DACH2: variants seen among roughly 807,000 people sequenced by gnomAD.
DACH2 encodes dachshund family transcription factor 2.
In DACH2, 17 loss-of-function variants were observed where a neutral mutation model predicts 35.8. That is an observed-to-expected ratio of 0.48 (90% CI 0.33 to 0.71). The LOEUF is 0.71. Among genes scored for constraint, DACH2 ranks in the 30% least tolerant of loss-of-function variants. DACH2 has a pLI of 0.02. For synonymous variants in DACH2, 195 were observed against 177.3 expected (o/e 1.10, Z -0.79); for missense variants, 469 against 472.7 (o/e 0.99, Z 0.07).
intron 1 of DACH2, among the ~76,000 whole-genome samples, chrX:86,156,192 G>T (rs1281906272): frequency 2.7e-5 from 3 of 110,744 alleles, no homozygotes; most frequent in African/African-American, 9.8e-5. Context: ...CCTTAAAAAA[G>T]AACTGAATTT....
intron 7 of DACH2, among the ~76,000 whole-genome samples, chrX:86,787,043 A>G (rs2042143895): frequency 9.0e-6 from 1 of 111,583 alleles, no homozygotes; most frequent in African/African-American, 3.3e-5. Context: ...GCCTTCTGTC[A>G]TGATTGTGAG....
intron 2 of DACH2, among the ~76,000 whole-genome samples, chrX:86,411,231 C>G (rs1214181550): frequency 1.9e-5 from 2 of 105,933 alleles, no homozygotes; most frequent in Non-Finnish European, 3.9e-5. Flanking sequence ...GAGGCTAGGC[C>G]AATCTCTTGT....
At chrX:86,499,894 G>C (rs1171994659) in intron 2 of DACH2, among the ~76,000 whole-genome samples, 1 of 111,438 alleles carries the variant, frequency 9.0e-6, no homozygotes, top group East Asian at 2.8e-4. Context: ...GGGTGGGATG[G>C]AGCCATGATA....
intron 6 of DACH2, among the ~76,000 whole-genome samples, chrX:86,718,047 G>T (rs182660570): frequency 9.4e-4 from 103 of 109,954 alleles, no homozygotes; most frequent in African/African-American, 3.2e-3. Flanking sequence ...GTTGGATTGA[G>T]TGGTAGTTCT....
intron 3 of DACH2, among the ~76,000 whole-genome samples, chrX:86,517,706 C>T (rs2038491571): frequency 9.0e-6 from 1 of 111,514 alleles, no homozygotes; most frequent in Admixed American, 9.5e-5. Flanking sequence ...TTGTGAGCCA[C>T]CACGCCTGAC....
intron 2 of DACH2, among the ~76,000 whole-genome samples, chrX:86,417,739 C>A (rs1284454821): frequency 9.0e-6 from 1 of 111,228 alleles, no homozygotes; most frequent in African/African-American, 3.3e-5. Flanking sequence ...TCCCAAATAT[C>A]ATGTCCTCAC....
chrX:86,619,933 C>A lies in DACH2; in HGVS notation c.641-31103C>A, dbSNP rs961632173. Among the ~76,000 whole-genome samples the A allele has an allele frequency of 6.3e-5, 7 of 111,962 alleles. No individual in the cohort carries two copies. In the South Asian group the frequency reaches 2.6e-3, roughly 41 times the overall value. On this transcript the variant is annotated intron_variant, in intron 3 of 11. Transcript: ENST00000373125. ...CTACAATGCAGTTGTTAGGTAGATG[C>A]CAATTTTTCCTGGGAAAAAAATTAC...
intron 3 of DACH2, among the ~76,000 whole-genome samples, chrX:86,518,613 C>T (rs1009100473): frequency 4.5e-5 from 5 of 111,694 alleles, no homozygotes; most frequent in Non-Finnish European, 9.4e-5. Context: ...ATTTTCACCT[C>T]CCTGGTTAGC....
At chrX:86,735,132 G>A (rs1451058557) in intron 6 of DACH2, among the ~76,000 whole-genome samples, 1 of 111,642 alleles carries the variant, frequency 9.0e-6, no homozygotes, top group Admixed American at 9.6e-5. Context: ...GAAATTCAAC[G>A]TTGAGACAGT....
intron 4 of DACH2, among the ~76,000 whole-genome samples, chrX:86,657,531 T>C (rs1443683707): frequency 9.0e-6 from 1 of 111,582 alleles, no homozygotes; most frequent in Non-Finnish European, 1.9e-5. Flanking sequence ...GTTTTCTCCC[T>C]TATGAGTGGC....
At chrX:86,385,224 T>C (rs934133148) in intron 2 of DACH2, among the ~76,000 whole-genome samples, 3 of 111,477 alleles carry the variant, frequency 2.7e-5, no homozygotes, top group Admixed American at 1.9e-4. Context: ...CATATTAATG[T>C]TTCTAACATA....
intron 4 of DACH2, among the ~76,000 whole-genome samples, chrX:86,673,453 A>G (rs750878357): frequency 9.3e-6 from 1 of 107,669 alleles, no homozygotes; most frequent in South Asian, 4.0e-4. Context: ...GTTTGGGCTT[A>G]TTTCTTCCTT....
intron 2 of DACH2, among the ~76,000 whole-genome samples, chrX:86,416,814 C>T (rs1300121111): frequency 9.1e-6 from 1 of 110,327 alleles, no homozygotes; most frequent in Non-Finnish European, 1.9e-5. Flanking sequence ...TCAATCAGGT[C>T]TTGGCCTGGT....
At chrX:86,483,021 G>T (rs2037964031) in intron 2 of DACH2, among the ~76,000 whole-genome samples, 1 of 107,361 alleles carries the variant, frequency 9.3e-6, no homozygotes, top group African/African-American at 3.4e-5. Context: ...ATAGCATTGG[G>T]AGATAAACCT....
chrX:86,517,438 A>G (rs1347574891), intron 3 of DACH2, among the ~76,000 whole-genome samples: 2 of 92,453 alleles, frequency 2.2e-5, no homozygotes, highest in African/African-American at 4.3e-5. Flanking sequence ...TTTTTTTGAG[A>G]TGGAGTCTTG....
At chrX:86,718,390 C>T (rs1199250945) in intron 6 of DACH2, among the ~76,000 whole-genome samples, 4 of 111,284 alleles carry the variant, frequency 3.6e-5, no homozygotes, top group Non-Finnish European at 5.7e-5. Flanking sequence ...TCCCCTGTCA[C>T]ATGCATTATT....
chrX:86,511,178 T>C (rs1393439870), intron 2 of DACH2, among the ~76,000 whole-genome samples: 3 of 111,779 alleles, frequency 2.7e-5, no homozygotes, highest in Admixed American at 9.5e-5. Flanking sequence ...CCCAACTTTT[T>C]ACAGAGTCCT....
intron 2 of DACH2, among the ~76,000 whole-genome samples, chrX:86,396,723 G>C (rs912666607): frequency 1.8e-5 from 2 of 110,832 alleles, no homozygotes; most frequent in African/African-American, 6.6e-5. Flanking sequence ...ATTTCTGAGG[G>C]CTCTGTTCTG....
chrX:86,590,672 G>A (rs752028717), intron 3 of DACH2, among the ~76,000 whole-genome samples: 2 of 111,561 alleles, frequency 1.8e-5, no homozygotes, highest in East Asian at 2.8e-4. Flanking sequence ...ATCATTTTGC[G>A]TTCTCACTAG....
Sources: allele counts gnomAD v4.1 joint callset (sites outside exome capture counted in the v4.1 genomes callset), GRCh38; gene constraint gnomAD v4.1.1; transcripts MANE v1.5; gene names NCBI Gene and HGNC (gene_info 2026-07-23, HGNC 2026-07-21).